The following CIMIP6 variants were observed in gnomAD, a reference collection of about 807,000 sequenced individuals.
The protein encoded by CIMIP6 is ciliary microtubule inner protein 6, also known as uncharacterized protein C2orf73.
chr2:54,361,380 G>A, the CIMIP6 span: 1 of 152,138 alleles, frequency 6.6e-6, no homozygotes, highest in African/African-American at 2.4e-5. Context: ...GGTGTGTTTG[G>A]TGTGCCAAAA....
At chr2:54,373,093 G>A in the CIMIP6 span, among the ~76,000 whole-genome samples, 12 of 151,822 alleles carry the variant, frequency 7.9e-5, no homozygotes, top group East Asian at 1.9e-4. Context: ...TCCCTTCTCC[G>A]TACTGCAGCT....
the CIMIP6 span, chr2:54,339,853 ATACTTC>A: frequency 2.1e-5 from 5 of 235,806 alleles, 1 homozygote; most frequent in Non-Finnish European, 3.0e-5. Context: ...TTCCTCTAGG[ATACTTC>A]ACTTGCTTTT....
chr2:54,339,027 G>A, the CIMIP6 span, among the ~76,000 whole-genome samples: 4 of 71,448 alleles, frequency 5.6e-5, 1 homozygote, highest in Admixed American at 5.5e-4. Context: ...ATGGCGGTGC[G>A]TGCCTGTAGT....
the CIMIP6 span, among the ~76,000 whole-genome samples, chr2:54,370,148 G>A: frequency 2.0e-5 from 3 of 151,946 alleles, no homozygotes; most frequent in Admixed American, 2.0e-4. Flanking sequence ...TCGGCTTCTC[G>A]GGAGGCTGAG....
At chr2:54,381,399 A>G in the CIMIP6 span, among the ~76,000 whole-genome samples, 1 of 152,176 alleles carries the variant, frequency 6.6e-6, no homozygotes, top group East Asian at 1.9e-4. Context: ...AAAGGCTACC[A>G]TTTACTAAGG....
chr2:54,375,870 T>G, the CIMIP6 span, among the ~76,000 whole-genome samples: 1 of 148,188 alleles, frequency 6.7e-6, no homozygotes, highest in African/African-American at 2.6e-5. Context: ...TTTAAAATTT[T>G]CAAATCATAT....
chr2:54,353,662 A>G, the CIMIP6 span, among the ~76,000 whole-genome samples: 3 of 152,134 alleles, frequency 2.0e-5, no homozygotes, highest in African/African-American at 7.2e-5. Flanking sequence ...TAATCTCCAG[A>G]GTTCTAAAAA....
chr2:54,350,330 G>A, the CIMIP6 span, among the ~76,000 whole-genome samples: 3 of 152,198 alleles, frequency 2.0e-5, no homozygotes, highest in East Asian at 5.8e-4. Context: ...TTAGCTCAAT[G>A]TTCTGCAATC....
chr2:54,351,107 A>C, the CIMIP6 span, among the ~76,000 whole-genome samples: 1 of 152,270 alleles, frequency 6.6e-6, no homozygotes, highest in African/African-American at 2.4e-5. Flanking sequence ...AAATAAGAAC[A>C]GCATCTTTCA....
the CIMIP6 span, among the ~76,000 whole-genome samples, chr2:54,342,955 C>T: frequency 1.3e-5 from 2 of 152,304 alleles, no homozygotes; most frequent in African/African-American, 4.8e-5. Context: ...TCTCTACTCT[C>T]TCAACTTCCA....
At chr2:54,335,608 A>G in the CIMIP6 span, among the ~76,000 whole-genome samples, 1 of 152,334 alleles carries the variant, frequency 6.6e-6, no homozygotes, top group Admixed American at 6.5e-5. Flanking sequence ...TGACTATCCC[A>G]TGCTAAAAAT....
At chr2:54,374,855 T>G in the CIMIP6 span, among the ~76,000 whole-genome samples, 1 of 152,222 alleles carries the variant, frequency 6.6e-6, no homozygotes, top group Non-Finnish European at 1.5e-5. Context: ...CCCCTGCGTG[T>G]TTGCAGTGCA....
chr2:54,351,094 A>G, the CIMIP6 span, among the ~76,000 whole-genome samples: 2 of 152,374 alleles, frequency 1.3e-5, no homozygotes, highest in Non-Finnish European at 2.9e-5. Flanking sequence ...TAAATACTGT[A>G]TAAAATAAGA....
At chr2:54,346,261 G>C in the CIMIP6 span, among the ~76,000 whole-genome samples, 15 of 152,130 alleles carry the variant, frequency 9.9e-5, no homozygotes. Flanking sequence ...ACAACTGATA[G>C]AAGATGAGAA....
At chr2:54,353,419 T>G in the CIMIP6 span, among the ~76,000 whole-genome samples, 5 of 151,970 alleles carry the variant, frequency 3.3e-5, no homozygotes, top group East Asian at 5.8e-4. Flanking sequence ...TTCTCTTGAG[T>G]TGGTATTTGT....
the CIMIP6 span, among the ~76,000 whole-genome samples, chr2:54,344,082 A>G: frequency 6.6e-6 from 1 of 152,208 alleles, no homozygotes; most frequent in Non-Finnish European, 1.5e-5. Context: ...TGACATAATG[A>G]AAATTGTATT....
the CIMIP6 span, among the ~76,000 whole-genome samples, chr2:54,351,641 G>C: frequency 6.6e-6 from 1 of 152,078 alleles, no homozygotes; most frequent in Non-Finnish European, 1.5e-5. Flanking sequence ...GGAGGAGGGA[G>C]ATAATCAGGA....
the CIMIP6 span, among the ~76,000 whole-genome samples, chr2:54,331,253 A>G: frequency 6.6e-6 from 1 of 152,096 alleles, no homozygotes; most frequent in African/African-American, 2.4e-5. Flanking sequence ...TCCTTCTCAC[A>G]ATTATTAGCA....
chr2:54,378,277 C>G, the CIMIP6 span, among the ~76,000 whole-genome samples: 1 of 152,326 alleles, frequency 6.6e-6, no homozygotes, highest in Non-Finnish European at 1.5e-5. Context: ...CCTGGGTTAC[C>G]AACGCAGGAT....
Sources: gnomAD v4.1 joint callset for allele counts (sites outside exome capture counted in the v4.1 genomes callset) on GRCh38, gnomAD v4.1.1 for gene constraint, MANE v1.5 for transcripts, NCBI Gene and HGNC (gene_info 2026-07-23, HGNC 2026-07-21) for gene names.